GAK: variants seen among roughly 807,000 people sequenced by gnomAD.
GAK encodes the protein cyclin G associated kinase.
A neutral mutation model predicts 143.9 loss-of-function variants in GAK; 79 were observed. That is an observed-to-expected ratio of 0.55 (90% confidence interval 0.46 to 0.66). The LOEUF is 0.66. GAK is among the 30% of genes least tolerant of loss of function. GAK has a pLI of 0.00. For synonymous variants in GAK, 881 were observed against 765.5 expected (o/e 1.15, Z -2.49); for missense variants, 1,693 against 1,779.7 (o/e 0.95, Z 0.88).
intron 1 of GAK, among the ~76,000 whole-genome samples, chr4:931,487 C>T (rs1725781131): frequency 6.8e-6 from 1 of 147,836 alleles, no homozygotes; most frequent in Non-Finnish European, 1.5e-5. Context: ...TCTCAAGTTC[C>T]CTGGACTGTA....
rs570916231 is a variant in GAK at position 905,460 on chromosome 4, C to T, written c.383-681G>A. 1.1e-3 allele frequency among the ~76,000 whole-genome samples: 157 copies of T among 140,182 alleles called. 2 individuals carry two copies. The highest frequency in any genetic ancestry group is 8.4e-4 in the East Asian group (4 of 4,782). 92.0% of individuals were successfully genotyped at this position (140,182 alleles called of 152,430 possible). On this transcript the variant is annotated intron_variant, in intron 4 of 27. Coordinates refer to ENST00000314167, the MANE Select transcript of GAK (RefSeq NM_005255.4). Reference sequence around the variant, plus strand: ...CCACGCCGCGCCACGCTAGGGGCTCCGCCACGCCCCATGCCATGCTACGGA... The same window carrying T: ...CCACGCCGCGCCACGCTAGGGGCTCTGCCACGCCCCATGCCATGCTACGGA...
At chr4:905,601 A>C (rs1490900869) in intron 4 of GAK, among the ~76,000 whole-genome samples, 1 of 125,946 alleles carries the variant, frequency 7.9e-6, no homozygotes, top group Admixed American at 8.5e-5. Flanking sequence ...CACGTTACGG[A>C]CTCCGCCAAA....
At chr4:902,843 C>T (rs73792041) in intron 5 of GAK, among the ~76,000 whole-genome samples, 1 of 152,110 alleles carries the variant, frequency 6.6e-6, no homozygotes, top group Admixed American at 6.5e-5. Context: ...ACCAAACACA[C>T]AAGCCAGTGG....
chr4:861,458 A>G (rs568277721), intron 23 of GAK, among the ~76,000 whole-genome samples: 4 of 152,290 alleles, frequency 2.6e-5, no homozygotes, highest in East Asian at 3.9e-4. Flanking sequence ...GGGCATGGTG[A>G]TGAGTGCCTG....
intron 16 of GAK, 95 bp from the exon 17 acceptor site, chr4:877,302 T>C (rs1024855154): frequency 3.5e-6 from 3 of 853,482 alleles, no homozygotes; most frequent in Non-Finnish European, 5.9e-6. Flanking sequence ...TCCACTTAGC[T>C]AAAATGTGTA....
At position 924,689 on chromosome 4, in the gene GAK, T is replaced by C. The variant is rs1724420998; in HGVS notation, c.145+7354A>G. On this transcript the variant is annotated intron_variant, in intron 1 of 27. Coordinates refer to ENST00000314167, the MANE Select transcript of GAK (RefSeq NM_005255.4). ...GGCCTGGTGGGAGGTGACCGGATTA[T>C]GGGGCGGAGTTCCCCATGGCGTGGC... is the stretch of plus-strand genomic sequence containing the variant. Among the ~76,000 whole-genome samples the C allele has an allele frequency of 2.0e-5, 3 of 152,208 alleles. No homozygotes were observed. The South Asian group carries it at 6.2e-4, about 31-fold the overall frequency.
intron 1 of GAK, among the ~76,000 whole-genome samples, chr4:918,213 T>C (rs1053237735): frequency 1.3e-5 from 2 of 152,312 alleles, no homozygotes; most frequent in Middle Eastern, 6.8e-3. Context: ...GTAAACAACA[T>C]TAGCAGAATA....
intron 24 of GAK, among the ~76,000 whole-genome samples, chr4:856,278 CCTCACCACAGCTGCTCACCCCTG>C (rs1749144558): frequency 2.3e-5 from 3 of 129,312 alleles, no homozygotes; most frequent in East Asian, 2.2e-4. Context: ...ACTGCTCACA[CCTCACCACAGCTGCTCACCCCTG>C]CTCACCACAG....
intron 15 of GAK, among the ~76,000 whole-genome samples, chr4:881,658 A>G (rs778452860): frequency 6.6e-6 from 1 of 152,246 alleles, no homozygotes; most frequent in African/African-American, 2.4e-5. Flanking sequence ...CAGAGAACCT[A>G]GGATCCATGC....
Position 851,735 on chromosome 4 carries a change from G to A in GAK, c.3508+15C>T, listed in dbSNP as rs780314837. The A allele has an allele frequency of 1.9e-6, 3 of 1,610,184 alleles. No individual in the cohort carries two copies. Among genetic ancestry groups the A allele is most frequent in the Non-Finnish European group, 2.5e-6 (3 of 1,177,540 alleles). ...TCTCTGCAAACTCCACAGCAACAGA[G>A]AGTGGGGGACTCACCAAAGCTGGGT... On this transcript the variant is annotated intron_variant, in intron 25 of 27. Coordinates refer to ENST00000314167, the MANE Select transcript of GAK (RefSeq NM_005255.4).
chr4:916,011 T>A (rs1167391825), intron 1 of GAK, among the ~76,000 whole-genome samples: 1 of 152,230 alleles, frequency 6.6e-6, no homozygotes, highest in Non-Finnish European at 1.5e-5. Flanking sequence ...TTCAGGATGG[T>A]TGTTGGATAT....
chr4:904,583 G>A (rs1246359278), intron 5 of GAK, 54 bp downstream of exon 5: 17 of 1,502,978 alleles, frequency 1.1e-5, no homozygotes, highest in African/African-American at 2.9e-5. Flanking sequence ...GCTCCTAACC[G>A]AGTGGGACCC....
chr4:878,831 T>C (rs1714520327), intron 15 of GAK, among the ~76,000 whole-genome samples: 2 of 152,156 alleles, frequency 1.3e-5, no homozygotes, highest in Admixed American at 1.3e-4. Context: ...GTGGCACCCA[T>C]GCCCTGCAGG....
rs535160473 is a variant in GAK at position 893,416 on chromosome 4, C to T, written c.951G>A (p.Ala317=). ...ACTTGGGGTTCACGTTGCGGGCGGC[C>T]GCGATCTCCTGCAGCTGGTGCACCA... ...AEVVHQLQEI[A]AARNVNPKSP... is the part of the protein sequence containing the mutation. Residue 317 remains alanine (A), a synonymous_variant, in exon 9 of 28, where the codon GCG becomes GCA. Transcript: ENST00000314167. The T allele has an allele frequency of 3.8e-5, 61 of 1,590,916 alleles. No homozygotes were observed. The African/African-American group carries it at 4.1e-4, about 11-fold the overall frequency.
At position 902,605 on chromosome 4, in the gene GAK, A is replaced by AAAAAAACAAAC. The variant is rs1553889060; in HGVS notation, c.525+2031_525+2032insGTTTGTTTTTT. On this transcript the variant is annotated intron_variant, in intron 5 of 27. Coordinates refer to ENST00000314167, the MANE Select transcript of GAK (RefSeq NM_005255.4). ...TGTAGAGTGACTGACTCAAAAAAAA[A>AAAAAAACAAAC]AAAAAAAAACCCCAAAAAACCTCTT... is the stretch of plus-strand genomic sequence containing the variant. Among the ~76,000 whole-genome samples, 9 of 130,386 alleles carry AAAAAAACAAAC rather than the reference A, an allele frequency of 6.9e-5. No homozygotes were observed. The East Asian group carries it at 9.8e-4, about 14-fold the overall frequency. The allele number at this position is 130,386 out of a possible 152,430, so 85.5% of individuals were successfully genotyped here.
chr4:849,760 CGGCTGCCCCGCAGCCTAT>C lies in GAK; in HGVS notation c.3835-4_3848del, dbSNP rs764691714. The C allele has an allele frequency of 1.9e-6, 3 of 1,612,616 alleles. No individual in the cohort carries two copies. Among genetic ancestry groups the C allele is most frequent in the African/African-American group, 1.3e-5 (1 of 74,838 alleles). On this transcript the variant is annotated splice_acceptor_variant and splice_polypyrimidine_tract_variant and coding_sequence_variant and intron_variant, in exon 28 of 28. Coordinates refer to ENST00000314167, the MANE Select transcript of GAK (RefSeq NM_005255.4). LOFTEE classifies it high-confidence loss of function. Reference sequence around the variant, plus strand: ...AGATCATCTTGGCGTGCTGCTCGTACGGCTGCCCCGCAGCCTATGGGTGACAGGCGGTGTAAGCGCCTC... The same window carrying C: ...AGATCATCTTGGCGTGCTGCTCGTACGGGTGACAGGCGGTGTAAGCGCCTC...
intron 18 of GAK, among the ~76,000 whole-genome samples, chr4:875,398 C>T (rs538709125): frequency 6.6e-6 from 1 of 152,256 alleles, no homozygotes; most frequent in East Asian, 1.9e-4. Flanking sequence ...CCCGGTCTCC[C>T]GGTGCAGGCC....
intron 6 of GAK, 50 bp from the exon 7 acceptor site, chr4:896,599 A>AT (rs751223066): frequency 1.4e-6 from 2 of 1,393,300 alleles, no homozygotes; most frequent in South Asian, 2.3e-5. Flanking sequence ...CACAAACAGT[A>AT]TTTTTTATGT....
intron 5 of GAK, among the ~76,000 whole-genome samples, chr4:901,050 AC>A (rs1719774516): frequency 6.6e-6 from 1 of 152,218 alleles, no homozygotes; most frequent in African/African-American, 2.4e-5. Context: ...GGCCACACTT[AC>A]CCATTTTCAA....
Sources: allele counts gnomAD v4.1 joint callset (sites outside exome capture counted in the v4.1 genomes callset), GRCh38; gene constraint gnomAD v4.1.1; transcripts MANE v1.5; gene names NCBI Gene and HGNC (gene_info 2026-07-23, HGNC 2026-07-21).